The following C3orf49 variants were observed in gnomAD, a reference collection of about 807,000 sequenced individuals.
The protein encoded by C3orf49 is putative uncharacterized protein C3orf49.
C3orf49 carries 27 observed loss-of-function variants against 13.3 expected under a neutral mutation model. That is an observed-to-expected ratio of 2.02 (90% CI 1.49 to 2.79). The LOEUF (loss-of-function observed/expected upper bound fraction) is 2.79. Among genes scored for constraint, C3orf49 ranks in the 30% most tolerant of loss-of-function variants. C3orf49 has a pLI of 0.00. For missense variants in C3orf49, 242 were observed against 134.2 expected, an observed-to-expected ratio of 1.80 and a Z score of -3.97; for synonymous variants, 87 against 47.6, an observed-to-expected ratio of 1.83 and a Z score of -3.40.
the C3orf49 span, among the ~76,000 whole-genome samples, chr3:63,808,026 G>A: frequency 6.6e-6 from 1 of 152,032 alleles, no homozygotes; most frequent in Non-Finnish European, 1.5e-5. Context: ...GGAAGGAGGA[G>A]AACGACATAA....
the C3orf49 span, among the ~76,000 whole-genome samples, chr3:63,812,169 A>G: frequency 6.6e-6 from 1 of 152,202 alleles, no homozygotes; most frequent in Non-Finnish European, 1.5e-5. Context: ...TATTCAAAAT[A>G]TCCTGTAGGC....
chr3:63,831,855 C>T lies in C3orf49; in HGVS notation c.849+11C>T. The T allele has an allele frequency of 1.4e-6, 1 of 696,048 alleles. No homozygotes were observed. Among genetic ancestry groups the T allele is most frequent in the Non-Finnish European group, 2.6e-6 (1 of 382,378 alleles). 43.1% of individuals were successfully genotyped at this position (696,048 alleles called of 1,614,324 possible). Reference sequence around the variant, plus strand: ...TATAAATTAAAAAATGTGTGTTTCCCATGTACCTGCTGCTGCTTCTGACTT... The same window carrying T: ...TATAAATTAAAAAATGTGTGTTTCCTATGTACCTGCTGCTGCTTCTGACTT... On this transcript the variant is annotated intron_variant, in intron 5 of 6. Transcript: ENST00000295896.
the C3orf49 span, among the ~76,000 whole-genome samples, chr3:63,809,591 G>A: frequency 6.6e-6 from 1 of 152,046 alleles, no homozygotes; most frequent in African/African-American, 2.4e-5. Flanking sequence ...TCCCACAACT[G>A]CCTCCAGATC....
At chr3:63,786,537 A>C in the C3orf49 span, among the ~76,000 whole-genome samples, 1 of 152,138 alleles carries the variant, frequency 6.6e-6, no homozygotes, top group Non-Finnish European at 1.5e-5. Flanking sequence ...TTTTATGTGG[A>C]GGGAGGTCGT....
intron 3 of C3orf49, 42 bp from the exon 4 acceptor site, chr3:63,831,068 T>C (rs539810141): frequency 1.5e-6 from 1 of 683,032 alleles, no homozygotes; most frequent in African/African-American, 1.8e-5. Context: ...ATAAATAATG[T>C]TGGTAGTTCC....
the C3orf49 span, among the ~76,000 whole-genome samples, chr3:63,789,810 CAAAAAAAAAAAAA>C: frequency 0.014 from 684 of 49,680 alleles, 16 homozygotes; most frequent in African/African-American, 0.048. Context: ...GACTCTGTCT[CAAAAAAAAAAAAA>C]AAAAAAAAAA....
the C3orf49 span, chr3:63,783,181 G>A: frequency 6.6e-6 from 1 of 152,160 alleles, no homozygotes; most frequent in African/African-American, 2.4e-5. Context: ...GCAAAACTGA[G>A]AGCGTTGGTT....
intron 5 of C3orf49, among the ~76,000 whole-genome samples, chr3:63,836,612 G>A (rs907767255): frequency 3.3e-5 from 5 of 151,878 alleles, no homozygotes; most frequent in African/African-American, 1.2e-4. Context: ...GAACGTAAGA[G>A]GTCAGCATAA....
chr3:63,834,883 A>C (rs537194765), intron 5 of C3orf49, among the ~76,000 whole-genome samples: 6 of 152,194 alleles, frequency 3.9e-5, no homozygotes, highest in Non-Finnish European at 7.3e-5. Flanking sequence ...AGTCAACTAC[A>C]GTGAACCAAG....
the C3orf49 span, among the ~76,000 whole-genome samples, chr3:63,781,785 A>T: frequency 6.6e-6 from 1 of 152,194 alleles, no homozygotes; most frequent in African/African-American, 2.4e-5. Context: ...TTAACAAGCA[A>T]CCCATTTATT....
At chr3:63,792,788 C>T in the C3orf49 span, among the ~76,000 whole-genome samples, 1 of 152,112 alleles carries the variant, frequency 6.6e-6, no homozygotes, top group South Asian at 2.1e-4. Context: ...ATCAAGTAGC[C>T]CAAAGAGTTA....
rs1487529408 is a variant in C3orf49, at chr3:63,829,027, C to T, written c.570+1302C>T. 3.9e-5 allele frequency among the ~76,000 whole-genome samples: 6 copies of T among 152,198 alleles called. No individual in the cohort carries two copies. The South Asian group carries it at 1.0e-3, about 26-fold the overall frequency. ...CTACGTTTCAAATGGCCAACAATCGCACCTAGTTAGTGGCTGTCCTATACA... is the reference window on the plus strand; with the variant it reads ...CTACGTTTCAAATGGCCAACAATCGTACCTAGTTAGTGGCTGTCCTATACA... On this transcript the variant is annotated intron_variant, in intron 3 of 6. Transcript: ENST00000295896.
At chr3:63,831,270 A>G (rs1307392769) in intron 4 of C3orf49, 47 bp downstream of exon 4, 2 of 691,544 alleles carry the variant, frequency 2.9e-6, no homozygotes, top group Non-Finnish European at 5.2e-6. Context: ...AGCATCAGAG[A>G]GCCAGGCTTA....
At chr3:63,782,068 T>C in the C3orf49 span, among the ~76,000 whole-genome samples, 8 of 152,220 alleles carry the variant, frequency 5.3e-5, no homozygotes, top group African/African-American at 1.2e-4. Context: ...CTGGTTCTTA[T>C]AGTGAATCAC....
chr3:63,839,549 C>T (rs1701711921), intron 5 of C3orf49: 5 of 915,242 alleles, frequency 5.5e-6, no homozygotes, highest in Non-Finnish European at 8.9e-6. Context: ...GTTGACTCCA[C>T]TGTACATTTA....
chr3:63,828,881 T>C (rs2107104657), intron 3 of C3orf49, among the ~76,000 whole-genome samples: 1 of 152,302 alleles, frequency 6.6e-6, no homozygotes, highest in African/African-American at 2.4e-5. Context: ...GAGTCCTTAG[T>C]AGTAATTGCC....
chr3:63,813,279 G>A, the C3orf49 span, among the ~76,000 whole-genome samples: 1 of 152,142 alleles, frequency 6.6e-6, no homozygotes, highest in East Asian at 1.9e-4. Context: ...TGGAATGCTG[G>A]CTCTGAGGCT....
rs770356536 is a variant in C3orf49, at chr3:63,831,133, A to AC, written c.596dup (p.His200ThrfsTer6). The AC allele has an allele frequency of 4.7e-5, 33 of 702,156 alleles. No homozygotes were observed. The highest frequency in any genetic ancestry group is 8.3e-5 in the Non-Finnish European group (32 of 384,900). The allele number at this position is 702,156 out of a possible 1,614,324, so 43.5% of individuals were successfully genotyped here. ...AGGGGCCATATTCACCAAAAAAGAG[A>AC]CCACACTTTCCAGCACTTAAAAAAA... On this transcript the variant is annotated frameshift_variant, in exon 4 of 7. Coordinates refer to ENST00000295896, the MANE Select transcript of C3orf49 (RefSeq NM_001355236.2). LOFTEE classifies it high-confidence loss of function.
the C3orf49 span, among the ~76,000 whole-genome samples, chr3:63,814,175 C>T: frequency 3.3e-5 from 5 of 152,122 alleles, no homozygotes; most frequent in Non-Finnish European, 7.3e-5. Flanking sequence ...TTTAGGAGCA[C>T]TGATGGGAGA....
Sources: allele counts gnomAD v4.1 joint callset (sites outside exome capture counted in the v4.1 genomes callset), GRCh38; gene constraint gnomAD v4.1.1; transcripts MANE v1.5; gene names NCBI Gene and HGNC (gene_info 2026-07-23, HGNC 2026-07-21).